The following PTPRD variants were observed in gnomAD, a reference collection of about 807,000 sequenced individuals.
The protein encoded by PTPRD is receptor-type tyrosine-protein phosphatase delta.
PTPRD carries 34 observed loss-of-function variants against 214.5 expected under a neutral mutation model. That is an observed-to-expected ratio of 0.16 (90% CI 0.12 to 0.21). PTPRD has a LOEUF of 0.21. Among genes scored for constraint, PTPRD ranks in the 10% least tolerant of loss-of-function variants. The pLI, the probability that PTPRD is intolerant of heterozygous loss-of-function variation, is 1.00. For missense variants in PTPRD, 2,545 were observed against 2,398.7 expected (o/e 1.06, Z -1.27); for synonymous variants, 1,128 against 845.7 (o/e 1.33, Z -5.79).
chr9:8,712,830 T>C (rs1296856258), intron 12 of PTPRD, among the ~76,000 whole-genome samples: 1 of 152,148 alleles, frequency 6.6e-6, no homozygotes, highest in Non-Finnish European at 1.5e-5. Flanking sequence ...GTGATTCTCC[T>C]GTCTCAGCCT....
chr9:10,046,937 A>G (rs2097409580), intron 3 of PTPRD, among the ~76,000 whole-genome samples: 1 of 152,022 alleles, frequency 6.6e-6, no homozygotes, highest in South Asian at 2.1e-4. Context: ...CAGACATCCA[A>G]AGTGAAATAT....
intron 4 of PTPRD, among the ~76,000 whole-genome samples, chr9:10,018,676 T>C (rs2096778432): frequency 6.9e-6 from 1 of 144,888 alleles, no homozygotes; most frequent in African/African-American, 2.5e-5. Flanking sequence ...GCCTCCCAAG[T>C]AGCTGGGACT....
At chr9:9,162,516 A>G (rs1352608742) in intron 10 of PTPRD, among the ~76,000 whole-genome samples, 1 of 151,992 alleles carries the variant, frequency 6.6e-6, no homozygotes, top group Non-Finnish European at 1.5e-5. Flanking sequence ...CTTTCCATCT[A>G]CATAATTGAT....
intron 35 of PTPRD, among the ~76,000 whole-genome samples, chr9:8,422,333 G>T (rs1456809854): frequency 6.6e-6 from 1 of 151,816 alleles, no homozygotes; most frequent in African/African-American, 2.4e-5. Flanking sequence ...TATAATTTGG[G>T]TTCTCACATA....
At chr9:8,946,027 A>G (rs577030578) in intron 11 of PTPRD, among the ~76,000 whole-genome samples, 1 of 152,290 alleles carries the variant, frequency 6.6e-6, no homozygotes, top group East Asian at 1.9e-4. Flanking sequence ...CTCTTGTAGA[A>G]AGAGCATGAG....
chr9:8,789,943 A>T (rs941756760), intron 11 of PTPRD, among the ~76,000 whole-genome samples: 2 of 152,216 alleles, frequency 1.3e-5, no homozygotes, highest in Admixed American at 1.3e-4. Context: ...ATGACAGATA[A>T]ATTCCACTAT....
Position 8,460,516 on chromosome 9 carries a change from G to T in PTPRD, c.3770C>A (p.Pro1257Gln). 1.2e-6 allele frequency: 2 copies of T among 1,613,506 alleles called. No individual in the cohort carries two copies. Among genetic ancestry groups the T allele is most frequent in the East Asian group, 4.5e-5 (2 of 44,856 alleles). The change falls in exon 33 of 46, where the codon CCG (proline) becomes CAG (glutamine). Residue 1257 changes from proline to glutamine, a missense_variant. Transcript: ENST00000381196. Reference protein sequence around the residue: ...SDPVVSMDLDPQPITDEEEGL... With the variant: ...SDPVVSMDLDQQPITDEEEGL... ...TTCTTCTTCATCCGTGATTGGCTGC[G>T]GATCCAGATCCATTGACACCACGGG...
intron 11 of PTPRD, among the ~76,000 whole-genome samples, chr9:8,844,988 A>C (rs7033382): frequency 0.13 from 20,308 of 152,220 alleles, 1,655 homozygotes; most frequent in East Asian, 0.23. Context: ...CAGATCTCTA[A>C]AATTTGTCAG....
intron 2 of PTPRD, among the ~76,000 whole-genome samples, chr9:10,546,586 G>T (rs2060223355): frequency 6.6e-6 from 1 of 151,790 alleles, no homozygotes; most frequent in Non-Finnish European, 1.5e-5. Flanking sequence ...ATAAACAATT[G>T]GTACTAATTG....
chr9:9,867,412 G>T (rs1485630395), intron 5 of PTPRD, among the ~76,000 whole-genome samples: 1 of 151,994 alleles, frequency 6.6e-6, no homozygotes, highest in Non-Finnish European at 1.5e-5. Context: ...ATTGATTTAT[G>T]ATACCTATCT....
chr9:9,275,659 G>A (rs1274128407), intron 9 of PTPRD, among the ~76,000 whole-genome samples: 4 of 151,110 alleles, frequency 2.6e-5, no homozygotes, highest in Non-Finnish European at 5.9e-5. Flanking sequence ...CCAGAATATT[G>A]TCTTTCTAAG....
chr9:9,789,569 G>A (rs903453827), intron 5 of PTPRD, among the ~76,000 whole-genome samples: 12 of 151,856 alleles, frequency 7.9e-5, no homozygotes, highest in African/African-American at 2.7e-4. Flanking sequence ...AGGCCGAGGC[G>A]GGCGGATCAG....
At chr9:9,352,741 T>A (rs1156442077) in intron 9 of PTPRD, among the ~76,000 whole-genome samples, 1 of 151,940 alleles carries the variant, frequency 6.6e-6, no homozygotes, top group East Asian at 1.9e-4. Flanking sequence ...AGTACCATAG[T>A]CTCAGAACTA....
intron 5 of PTPRD, among the ~76,000 whole-genome samples, chr9:9,859,618 G>A (rs1600024605): frequency 6.6e-6 from 1 of 152,290 alleles, no homozygotes; most frequent in Non-Finnish European, 1.5e-5. Flanking sequence ...TAGCTCATAG[G>A]AAAGTAATAT....
At chr9:8,765,323 A>G (rs1290752589) in intron 11 of PTPRD, among the ~76,000 whole-genome samples, 2 of 152,204 alleles carry the variant, frequency 1.3e-5, no homozygotes, top group East Asian at 3.9e-4. Flanking sequence ...AGGTGATGCA[A>G]TAACAATAAC....
At chr9:8,613,895 T>C (rs1564725007) in intron 14 of PTPRD, among the ~76,000 whole-genome samples, 1 of 152,026 alleles carries the variant, frequency 6.6e-6, no homozygotes, top group African/African-American at 2.4e-5. Flanking sequence ...AATGAATAAA[T>C]AGTCTGTCAT....
intron 9 of PTPRD, among the ~76,000 whole-genome samples, chr9:9,257,321 T>A (rs1447777826): frequency 6.6e-6 from 1 of 151,968 alleles, no homozygotes; most frequent in Admixed American, 6.6e-5. Flanking sequence ...ATTTTCCATA[T>A]TATGATGTTG....
chr9:8,618,337 G>C (rs1021377571), intron 14 of PTPRD, among the ~76,000 whole-genome samples: 1 of 151,990 alleles, frequency 6.6e-6, no homozygotes. Flanking sequence ...ATAGGTAAAG[G>C]GCTTGGTACC....
rs554359138 is a variant in PTPRD, at chr9:9,793,385, G to T, written c.-367-26534C>A. On this transcript the variant is annotated intron_variant, in intron 5 of 45. Coordinates refer to ENST00000381196, the MANE Select transcript of PTPRD (RefSeq NM_002839.4). ...GAAACAAAAGTAAAACTCCTACTTG[G>T]TCAAACTCATGATCTTCTATTATCA... Among the ~76,000 whole-genome samples, 9 of 152,042 alleles carry T rather than the reference G, an allele frequency of 5.9e-5. No homozygotes were observed. In the South Asian group the frequency reaches 1.9e-3, roughly 32 times the overall value.
Sources: allele counts gnomAD v4.1 joint callset (sites outside exome capture counted in the v4.1 genomes callset), GRCh38; gene constraint gnomAD v4.1.1; transcripts MANE v1.5; gene names NCBI Gene and HGNC (gene_info 2026-07-23, HGNC 2026-07-21).